Variants in TLN2 observed in about 807,000 individuals in gnomAD.
TLN2 encodes the protein talin 2.
TLN2 carries 118 observed loss-of-function variants against 294.7 expected under a neutral mutation model. The ratio of observed to expected loss-of-function variants is 0.40; its 90% CI spans 0.34 to 0.47. The LOEUF (loss-of-function observed/expected upper bound fraction) is 0.47. Ranked by LOEUF, TLN2 falls within the 20% of genes least tolerant of loss-of-function variation. TLN2 has a pLI of 0.84. For missense variants in TLN2, 3,083 were observed against 3,282.2 expected (o/e 0.94, Z 1.48); for synonymous variants, 1,431 against 1,304.5 (o/e 1.10, Z -2.09).
chr15:62,566,748 G>A lies in TLN2; in HGVS notation c.-237-22939G>A, dbSNP rs138827853. Among the ~76,000 whole-genome samples, 337 of 151,696 alleles carry A rather than the reference G, an allele frequency of 2.2e-3. 1 individual carries two copies. Among genetic ancestry groups the A allele is most frequent in the Middle Eastern group, 0.014 (4 of 294 alleles). On this transcript the variant is annotated intron_variant, in intron 1 of 58. Coordinates refer to ENST00000636159, the MANE Select transcript of TLN2 (RefSeq NM_015059.3). The stretch of plus-strand genomic sequence containing the variant: ...AAGAGATGCTCTCACCTCAATCCAG[G>A]TCCTCACTGTGTTGCCCGGGCTGGT...
At chr15:62,423,037 G>T (rs371748863) in intron 1 of TLN2, among the ~76,000 whole-genome samples, 3 of 152,328 alleles carry the variant, frequency 2.0e-5, no homozygotes, top group East Asian at 3.9e-4. Flanking sequence ...CTTCTCCCAG[G>T]GGGAAGAGGT....
chr15:62,579,745 G>C (rs1409953569), intron 1 of TLN2, among the ~76,000 whole-genome samples: 1 of 152,160 alleles, frequency 6.6e-6, no homozygotes, highest in East Asian at 1.9e-4. Flanking sequence ...ACTCAGGTGA[G>C]ATTCACCACT....
intron 1 of TLN2, among the ~76,000 whole-genome samples, chr15:62,501,180 A>C (rs2039285944): frequency 1.3e-5 from 2 of 152,288 alleles, no homozygotes; most frequent in African/African-American, 4.8e-5. Context: ...CCCTCTGTTC[A>C]TTGTTTAAAA....
chr15:62,753,907 C>T lies in TLN2; in HGVS notation c.4467C>T (p.Ser1489=), dbSNP rs1397509751. The change falls in exon 36 of 59, where the codon AGC becomes AGT. Residue 1489 remains serine, a synonymous_variant. Transcript: ENST00000636159. The part of the protein sequence containing the change: ...ACQNLVDPGS[S]PSQVLSAATI... ...AGAACTTGGTGGACCCTGGCAGCAGCCCATCACAGGTAACTGTTGGGGAGG... is the reference window on the plus strand; with the variant it reads ...AGAACTTGGTGGACCCTGGCAGCAGTCCATCACAGGTAACTGTTGGGGAGG... 1.2e-6 allele frequency: 2 copies of T among 1,603,916 alleles called. No homozygotes were observed. The highest frequency in any genetic ancestry group is 1.7e-6 in the Non-Finnish European group (2 of 1,174,958).
chr15:62,582,583 G>T (rs915546629), intron 1 of TLN2, among the ~76,000 whole-genome samples: 6 of 152,144 alleles, frequency 3.9e-5, no homozygotes, highest in African/African-American at 9.7e-5. Context: ...GGACGGCATT[G>T]TAGACATGTA....
chr15:62,788,298 C>T (rs978603881), intron 45 of TLN2, among the ~76,000 whole-genome samples: 7 of 151,890 alleles, frequency 4.6e-5, no homozygotes, highest in African/African-American at 1.2e-4. Context: ...ACAAAAAGAG[C>T]GAAACTCCAT....
At chr15:62,780,395 G>A (rs759142697) in intron 43 of TLN2, among the ~76,000 whole-genome samples, 4 of 152,134 alleles carry the variant, frequency 2.6e-5, no homozygotes, top group African/African-American at 4.8e-5. Flanking sequence ...CTGTAACCAT[G>A]TGATGCCTGG....
intron 1 of TLN2, among the ~76,000 whole-genome samples, chr15:62,552,411 T>C (rs2042373735): frequency 6.6e-6 from 1 of 152,248 alleles, no homozygotes; most frequent in Non-Finnish European, 1.5e-5. Context: ...TTCATTGACT[T>C]ATGAAGCATG....
chr15:62,615,617 T>C (rs1465156388), intron 2 of TLN2, among the ~76,000 whole-genome samples: 7 of 152,262 alleles, frequency 4.6e-5, no homozygotes, highest in Admixed American at 4.6e-4. Context: ...TCTTTTAGTC[T>C]TTTATGTTCA....
chr15:62,685,081 G>A (rs1407796294), intron 11 of TLN2, among the ~76,000 whole-genome samples: 2 of 151,530 alleles, frequency 1.3e-5, no homozygotes, highest in Non-Finnish European at 2.9e-5. Context: ...GTGAAATTTT[G>A]GAAATAAGGA....
chr15:62,766,310 C>G lies in TLN2; in HGVS notation c.5095-11C>G. On this transcript the variant is annotated splice_polypyrimidine_tract_variant and intron_variant, in intron 40 of 58. Transcript: ENST00000636159. ...GTTATGGGATGAACTTGACACTTCT[C>G]TCCTTATCAGGCCCTGCAGGAGCAG... 2.5e-6 allele frequency: 4 copies of G among 1,608,550 alleles called. No homozygotes were observed. The highest frequency in any genetic ancestry group is 1.1e-5 in the South Asian group (1 of 90,838).
intron 1 of TLN2, among the ~76,000 whole-genome samples, chr15:62,585,402 C>T (rs180783371): frequency 6.6e-6 from 1 of 152,290 alleles, no homozygotes; most frequent in Admixed American, 6.5e-5. Context: ...ATCCTCACAA[C>T]AGTCAAAATA....
intron 44 of TLN2, 111 bp downstream of exon 44, chr15:62,781,352 C>G (rs368703968): frequency 2.6e-6 from 2 of 774,068 alleles, no homozygotes; most frequent in Non-Finnish European, 4.3e-6. Flanking sequence ...AGACCACTCT[C>G]TAGTCCCTCA....
In TLN2 at chr15:62,653,757, AAAAG is replaced by A. The variant is rs201878670; in HGVS notation, c.517+444_517+447del. 5.8e-5 allele frequency among the ~76,000 whole-genome samples: 8 copies of A among 137,482 alleles called. No homozygotes were observed. In the East Asian group the frequency reaches 9.6e-4, roughly 17 times the overall value. The allele number at this position is 137,482 out of a possible 152,430, so 90.2% of individuals were successfully genotyped here. A position where few individuals can be genotyped will look rare whatever the true frequency, so the allele number is the denominator to read the frequency against. ...ATAAATAAATAAAAATTAAAAAAAA[AAAAG>A]TAATTGTAATACCATTTCACATCTA... On this transcript the variant is annotated intron_variant, in intron 7 of 58. Transcript: ENST00000636159.
At chr15:62,765,888 G>A (rs1173055548) in intron 40 of TLN2, among the ~76,000 whole-genome samples, 1 of 152,186 alleles carries the variant, frequency 6.6e-6, no homozygotes, top group African/African-American at 2.4e-5. Flanking sequence ...TCATTTTTAT[G>A]TCACTCTCCC....
intron 1 of TLN2, among the ~76,000 whole-genome samples, chr15:62,461,777 A>C (rs1415970007): frequency 1.3e-5 from 2 of 152,212 alleles, no homozygotes; most frequent in African/African-American, 4.8e-5. Flanking sequence ...TGCGAGGGGA[A>C]GAGCATGCAC....
chr15:62,619,300 T>G (rs759559407), intron 3 of TLN2, among the ~76,000 whole-genome samples: 17 of 152,258 alleles, frequency 1.1e-4, no homozygotes, highest in Admixed American at 6.5e-5. Context: ...GAGAAGCTGC[T>G]GGAGTGGGCG....
In TLN2 at chr15:62,699,650, A is replaced by G. The variant is rs556615438; in HGVS notation, c.1587+783A>G. 1.9e-3 allele frequency among the ~76,000 whole-genome samples: 282 copies of G among 152,314 alleles called. 9 individuals carry two copies. In the South Asian group the frequency reaches 0.057, roughly 31 times the overall value. ...CCTAGGGTCTTGTAAGAGGTGCAGA[A>G]TCTTGGGCCTTCCCCAGCCTACTCA... On this transcript the variant is annotated intron_variant, in intron 16 of 58. Coordinates refer to ENST00000636159, the MANE Select transcript of TLN2 (RefSeq NM_015059.3).
chr15:62,483,588 G>A (rs780302761), intron 1 of TLN2, among the ~76,000 whole-genome samples: 5 of 152,130 alleles, frequency 3.3e-5, no homozygotes, highest in African/African-American at 7.2e-5. Context: ...ACCTTGGGCC[G>A]CCTTGACTTC....
Sources: gnomAD v4.1 joint callset for allele counts (sites outside exome capture counted in the v4.1 genomes callset) on GRCh38, gnomAD v4.1.1 for gene constraint, MANE v1.5 for transcripts, NCBI Gene and HGNC (gene_info 2026-07-23, HGNC 2026-07-21) for gene names.